Variants in CEP43 observed in about 807,000 individuals in gnomAD.
The protein encoded by CEP43 is centrosomal protein 43.
CEP43 carries 36 observed loss-of-function variants against 52.6 expected under a neutral mutation model. The ratio of observed to expected loss-of-function variants is 0.68; its 90% confidence interval spans 0.52 to 0.90. The LOEUF is 0.90. CEP43 is among the 40% of genes least tolerant of loss of function. CEP43 has a pLI of 0.00. For synonymous variants in CEP43, 192 were observed against 172.4 expected (o/e 1.11, Z -0.89); for missense variants, 506 against 472.8 (o/e 1.07, Z -0.65).
At chr6:167,004,763 A>G (rs1779813846) in intron 5 of CEP43, among the ~76,000 whole-genome samples, 1 of 152,206 alleles carries the variant, frequency 6.6e-6, no homozygotes, top group Admixed American at 6.5e-5. Context: ...TTCTCTGCAT[A>G]AGCCAACAGA....
chr6:167,044,466 A>G lies in CEP43; in HGVS notation c.*4488A>G. ...TGGCCAGAGGACCTCCAGGCTGACA[A>G]AGTTTCCCCGAGGAAGTCAGATTGG... is the stretch of plus-strand genomic sequence containing the variant. On this transcript the variant is annotated 3_prime_UTR_variant, in exon 13 of 13. Coordinates refer to ENST00000366847, the MANE Select transcript of CEP43 (RefSeq NM_007045.4). 7.1e-6 allele frequency: 7 copies of G among 985,366 alleles called. No homozygotes were observed. Among genetic ancestry groups the G allele is most frequent in the Non-Finnish European group, 8.4e-6 (7 of 829,902 alleles). The allele number at this position is 985,366 out of a possible 1,614,324, so 61.0% of individuals were successfully genotyped here.
intron 12 of CEP43, among the ~76,000 whole-genome samples, chr6:167,035,571 G>GT (rs562051538): frequency 0.048 from 6,642 of 138,276 alleles, 272 homozygotes; most frequent in African/African-American, 0.11. Flanking sequence ...ACTTTTTTTT[G>GT]TTTTTTTTTT....
intron 7 of CEP43, among the ~76,000 whole-genome samples, chr6:167,014,580 A>G (rs1413047955): frequency 3.9e-5 from 6 of 152,254 alleles, no homozygotes; most frequent in Admixed American, 3.9e-4. Flanking sequence ...TTTTTTCACT[A>G]GGTTGAAAAT....
Position 167,040,246 on chromosome 6 carries a change from G to C in CEP43, c.*268G>C. On this transcript the variant is annotated 3_prime_UTR_variant, in exon 13 of 13. Coordinates refer to ENST00000366847, the MANE Select transcript of CEP43 (RefSeq NM_007045.4). ...TTATCTACACTCAGTTTCATTACAG[G>C]GAAGGAACCCATGAAAACATCAGTG... 1 of 1,509,338 alleles carries C rather than the reference G, an allele frequency of 6.6e-7. No individual in the cohort carries two copies. The highest frequency in any genetic ancestry group is 1.3e-5 in the South Asian group (1 of 78,636). 93.5% of individuals were successfully genotyped at this position (1,509,338 alleles called of 1,614,324 possible). A position where few individuals can be genotyped will look rare whatever the true frequency, so the allele number is the denominator to read the frequency against.
chr6:167,018,783 G>A (rs901341882), intron 7 of CEP43, among the ~76,000 whole-genome samples: 2 of 152,048 alleles, frequency 1.3e-5, no homozygotes, highest in Non-Finnish European at 2.9e-5. Flanking sequence ...CCAAATCCAG[G>A]TGATACAAAA....
chr6:167,037,234 G>T (rs918716734), intron 12 of CEP43, among the ~76,000 whole-genome samples: 1 of 152,082 alleles, frequency 6.6e-6, no homozygotes. Flanking sequence ...TCTTTTCTTT[G>T]CCTTAAAGCA....
chr6:167,026,436 T>G, intron 9 of CEP43, 111 bp from the exon 10 acceptor site: 3 of 710,728 alleles, frequency 4.2e-6, no homozygotes, highest in Middle Eastern at 7.6e-4. Context: ...TTTAGGTTAT[T>G]ATGCTCCTGT....
At chr6:167,026,036 G>A (rs150177524) in intron 9 of CEP43, among the ~76,000 whole-genome samples, 1 of 152,248 alleles carries the variant, frequency 6.6e-6, no homozygotes. Flanking sequence ...GTTTTTGGTG[G>A]TTGTGTTCCA....
intron 6 of CEP43, 110 bp from the exon 7 acceptor site, chr6:167,013,398 G>A: frequency 3.6e-6 from 3 of 823,510 alleles, no homozygotes; most frequent in Non-Finnish European, 5.8e-6. Context: ...TTAACTAGAT[G>A]TTCCACTTCT....
chr6:167,019,940 T>C (rs1780187499), intron 7 of CEP43, among the ~76,000 whole-genome samples: 1 of 152,258 alleles, frequency 6.6e-6, no homozygotes, highest in African/African-American at 2.4e-5. Context: ...TTTGGCACTT[T>C]CTCATGAGTG....
chr6:167,015,999 A>G (rs1455710611), intron 7 of CEP43, among the ~76,000 whole-genome samples: 2 of 152,080 alleles, frequency 1.3e-5, no homozygotes, highest in Admixed American at 6.5e-5. Context: ...GCTGACTTCC[A>G]AAGTATCATC....
chr6:167,031,470 G>GTCA (rs1700702970), intron 10 of CEP43, among the ~76,000 whole-genome samples: 8 of 152,242 alleles, frequency 5.3e-5, no homozygotes, highest in Admixed American at 5.2e-4. Context: ...AGGGGACCTA[G>GTCA]TCATCACTCA....
chr6:167,046,882 C>T lies in CEP43; in HGVS notation c.*6904C>T, dbSNP rs1408439533. ...AAGTTACTCTTGCAATTCTAGCTTC[C>T]AGCAGGCGTTGATTTCTGGGGCACT... On this transcript the variant is annotated 3_prime_UTR_variant, in exon 13 of 13. Transcript: ENST00000366847. 6.6e-6 allele frequency: 1 copy of T among 152,252 alleles called. No individual in the cohort carries two copies. Among genetic ancestry groups the T allele is most frequent in the Non-Finnish European group, 1.5e-5 (1 of 68,064 alleles). The allele number at this position is 152,252 out of a possible 1,614,324, so 9.4% of individuals were successfully genotyped here. A position where few individuals can be genotyped will look rare whatever the true frequency, so the allele number is the denominator to read the frequency against.
chr6:167,029,555 G>A (rs1780424007), intron 10 of CEP43, among the ~76,000 whole-genome samples: 1 of 152,206 alleles, frequency 6.6e-6, no homozygotes, highest in Admixed American at 6.5e-5. Context: ...TCAAATTTTT[G>A]AATTTGGGAT....
intron 11 of CEP43, 26 bp from the exon 12 acceptor site, chr6:167,033,849 A>ATT: frequency 6.1e-6 from 7 of 1,147,228 alleles, no homozygotes; most frequent in Admixed American, 2.1e-5. Flanking sequence ...CAGAGTTCTT[A>ATT]TTTTTTTTTC....
Position 167,041,197 on chromosome 6 carries a change from T to C in CEP43, c.*1219T>C. ...CGGTTAAGTGAGCAGACTGCATGAC[T>C]TGTGTAATGCCAGTTTCTCATTTCA... On this transcript the variant is annotated 3_prime_UTR_variant, in exon 13 of 13. Transcript: ENST00000366847. 9.5e-7 allele frequency: 1 copy of C among 1,047,824 alleles called. No individual in the cohort carries two copies. The highest frequency in any genetic ancestry group is 4.6e-5 in the South Asian group (1 of 21,834). 64.9% of individuals were successfully genotyped at this position (1,047,824 alleles called of 1,614,324 possible). A position where few individuals can be genotyped will look rare whatever the true frequency, so the allele number is the denominator to read the frequency against.
rs927530778 is a variant in CEP43, at chr6:166,999,636, G to A, written c.102+122G>A. The A allele has an allele frequency of 1.1e-5, 7 of 648,438 alleles. No homozygotes were observed. In the South Asian group the frequency reaches 1.9e-4, roughly 18 times the overall value. 40.2% of individuals were successfully genotyped at this position (648,438 alleles called of 1,614,324 possible). On this transcript the variant is annotated intron_variant, in intron 1 of 12. Transcript: ENST00000366847. ...CGAGGGACCGGGGCCGGCGGGCACT[G>A]GGGGCGCGCCCCGGCATGGCCTCCG...
In CEP43 at chr6:167,045,725, A is replaced by G. The variant is rs1245838287; in HGVS notation, c.*5747A>G. ...ACTCCAGCCTGGGTGACAGAGCGAGACTCCGTCTCAAAAACAACAACAACA... is the reference window on the plus strand; with the variant it reads ...ACTCCAGCCTGGGTGACAGAGCGAGGCTCCGTCTCAAAAACAACAACAACA... On this transcript the variant is annotated 3_prime_UTR_variant, in exon 13 of 13. Coordinates refer to ENST00000366847, the MANE Select transcript of CEP43 (RefSeq NM_007045.4). 1 of 152,272 alleles carries G rather than the reference A, an allele frequency of 6.6e-6. No individual in the cohort carries two copies. The highest frequency in any genetic ancestry group is 1.5e-5 in the Non-Finnish European group (1 of 68,170). The allele number at this position is 152,272 out of a possible 1,614,324, so 9.4% of individuals were successfully genotyped here. A position where few individuals can be genotyped will look rare whatever the true frequency, so the allele number is the denominator to read the frequency against.
chr6:167,020,646 C>T (rs117702482), intron 7 of CEP43, among the ~76,000 whole-genome samples: 2,813 of 152,274 alleles, frequency 0.018, 47 homozygotes, highest in East Asian at 0.091. Context: ...TCACGGCTCA[C>T]GCCTGTAATC....
Sources: gnomAD v4.1 joint callset for allele counts (sites outside exome capture counted in the v4.1 genomes callset) on GRCh38, gnomAD v4.1.1 for gene constraint, MANE v1.5 for transcripts, NCBI Gene and HGNC (gene_info 2026-07-23, HGNC 2026-07-21) for gene names.